The following MIPEP variants were observed in gnomAD, a reference collection of about 807,000 sequenced individuals.
MIPEP encodes the protein mitochondrial intermediate peptidase.
Under a neutral mutation model 90.3 loss-of-function variants are expected in MIPEP, and 79 were observed. The ratio of observed to expected loss-of-function variants is 0.87; its 90% CI spans 0.73 to 1.05. The LOEUF (loss-of-function observed/expected upper bound fraction) is 1.05. MIPEP is among the 50% of genes least tolerant of loss of function. The probability of loss-of-function intolerance (pLI) is 0.00; values close to 1 mark genes in which losing one functional copy is unlikely to be tolerated. For synonymous variants in MIPEP, 334 were observed against 315.8 expected (o/e 1.06, Z -0.61); for missense variants, 940 against 905.6 (o/e 1.04, Z -0.49).
intron 16 of MIPEP, among the ~76,000 whole-genome samples, chr13:23,780,459 A>G (rs1419446590): frequency 6.6e-6 from 1 of 152,216 alleles, no homozygotes; most frequent in Non-Finnish European, 1.5e-5. Flanking sequence ...TCTGTACGTC[A>G]CCATCATCAA....
intron 14 of MIPEP, 41 bp downstream of exon 14, chr13:23,836,199 T>C: frequency 7.5e-7 from 1 of 1,340,708 alleles, no homozygotes. Flanking sequence ...ACGCCAACTA[T>C]CACAACCCAA....
At chr13:23,875,002 G>T in intron 4 of MIPEP, 93 bp from the exon 5 acceptor site, 1 of 897,964 alleles carries the variant, frequency 1.1e-6, no homozygotes, top group Non-Finnish European at 1.7e-6. Flanking sequence ...GTCTTTTTCA[G>T]CCTCACTGCC....
intron 16 of MIPEP, among the ~76,000 whole-genome samples, chr13:23,784,533 C>T (rs1429601339): frequency 6.6e-6 from 1 of 152,086 alleles, no homozygotes; most frequent in African/African-American, 2.4e-5. Flanking sequence ...ACCATAAAAA[C>T]CCAAGAAGAA....
At chr13:23,814,601 T>C (rs1953213512) in intron 14 of MIPEP, among the ~76,000 whole-genome samples, 1 of 152,148 alleles carries the variant, frequency 6.6e-6, no homozygotes, top group African/African-American at 2.4e-5. Flanking sequence ...ACCAGCATAT[T>C]AAGAATGCTA....
chr13:23,738,343 G>A (rs1173489454), intron 18 of MIPEP, among the ~76,000 whole-genome samples: 8 of 151,596 alleles, frequency 5.3e-5, no homozygotes, highest in Non-Finnish European at 1.2e-4. Context: ...ATCAGCTATT[G>A]TTAATGTAGT....
chr13:23,854,326 C>T (rs893742905), intron 10 of MIPEP, among the ~76,000 whole-genome samples: 2 of 150,980 alleles, frequency 1.3e-5, no homozygotes, highest in East Asian at 1.9e-4. Flanking sequence ...CTGAGCCATC[C>T]ATTTCCTATT....
intron 18 of MIPEP, among the ~76,000 whole-genome samples, chr13:23,744,475 G>A (rs1351907088): frequency 6.6e-6 from 1 of 152,212 alleles, no homozygotes; most frequent in African/African-American, 2.4e-5. Context: ...CCACACAGGT[G>A]AGTCAGAGTA....
chr13:23,766,029 T>A (rs1193568275), intron 16 of MIPEP: 1 of 152,238 alleles, frequency 6.6e-6, no homozygotes, highest in Non-Finnish European at 1.5e-5. Context: ...GCCTCTGATA[T>A]GGAATAATCC....
chr13:23,737,586 T>C (rs991299090), intron 18 of MIPEP, among the ~76,000 whole-genome samples: 1 of 152,232 alleles, frequency 6.6e-6, no homozygotes, highest in Non-Finnish European at 1.5e-5. Flanking sequence ...TGCAAGTTCA[T>C]ATCCTGTTAT....
chr13:23,802,160 A>G (rs1310408981), intron 16 of MIPEP, among the ~76,000 whole-genome samples: 1 of 152,198 alleles, frequency 6.6e-6, no homozygotes. Context: ...GTGATAGTAA[A>G]ATATTTTAGG....
chr13:23,869,848 C>A (rs1870706395), intron 6 of MIPEP, among the ~76,000 whole-genome samples, 165 bp downstream of exon 6: 1 of 152,138 alleles, frequency 6.6e-6, no homozygotes, highest in African/African-American at 2.4e-5. Flanking sequence ...CATTTTCATT[C>A]TTTAAAGTGT....
chr13:23,863,585 C>T (rs1041304525), intron 8 of MIPEP, among the ~76,000 whole-genome samples: 3 of 152,136 alleles, frequency 2.0e-5, no homozygotes, highest in Non-Finnish European at 4.4e-5. Flanking sequence ...TATGTATATG[C>T]AAATATTCCA....
At chr13:23,767,245 C>T (rs1016715536) in intron 16 of MIPEP, among the ~76,000 whole-genome samples, 4 of 152,172 alleles carry the variant, frequency 2.6e-5, no homozygotes, top group African/African-American at 7.2e-5. Context: ...ACTCCTGATC[C>T]AAACCAACTG....
chr13:23,879,721 T>C (rs983152939), intron 3 of MIPEP, among the ~76,000 whole-genome samples: 1 of 152,004 alleles, frequency 6.6e-6, no homozygotes, highest in Non-Finnish European at 1.5e-5. Flanking sequence ...AAAAACACTG[T>C]AAGGGAGAGC....
Position 23,864,168 on chromosome 13 carries a change from TC to T in MIPEP, c.964del (p.Glu322LysfsTer12). ...KNPETVMQFL[E>X]KLSDKLSERT... ...TTCAGAAAGTTTGTCAGATAGTTTT[TC>T]AAGGAACTGCATGACAGTCTCTAAA... On this transcript the variant is annotated frameshift_variant, in exon 8 of 19. Transcript: ENST00000382172. LOFTEE classifies it high-confidence loss of function. 1 of 1,565,962 alleles carries T rather than the reference TC, an allele frequency of 6.4e-7. No homozygotes were observed. The highest frequency in any genetic ancestry group is 1.9e-5 in the Admixed American group (1 of 52,758).
At chr13:23,737,782 G>A (rs572188911) in intron 18 of MIPEP, among the ~76,000 whole-genome samples, 19 of 152,282 alleles carry the variant, frequency 1.2e-4, no homozygotes, top group Non-Finnish European at 1.8e-4. Flanking sequence ...TTGCAAAGAC[G>A]AAATCTCATT....
intron 11 of MIPEP, among the ~76,000 whole-genome samples, chr13:23,840,530 C>T (rs923308889): frequency 7.2e-5 from 11 of 152,282 alleles, no homozygotes; most frequent in Admixed American, 2.0e-4. Flanking sequence ...AGCATTTTAT[C>T]AATCTCTATC....
intron 18 of MIPEP, among the ~76,000 whole-genome samples, chr13:23,743,469 C>T (rs776339624): frequency 7.2e-5 from 11 of 152,328 alleles, no homozygotes; most frequent in South Asian, 2.1e-4. Context: ...ATCAGACTAT[C>T]GGCCAGGAAG....
intron 16 of MIPEP, among the ~76,000 whole-genome samples, chr13:23,765,168 T>A (rs761084438): frequency 6.6e-6 from 1 of 152,138 alleles, no homozygotes; most frequent in Non-Finnish European, 1.5e-5. Context: ...GACTTGAACA[T>A]GCTCAGATTT....
Sources: gnomAD v4.1 joint callset for allele counts (sites outside exome capture counted in the v4.1 genomes callset) on GRCh38, gnomAD v4.1.1 for gene constraint, MANE v1.5 for transcripts, NCBI Gene and HGNC (gene_info 2026-07-23, HGNC 2026-07-21) for gene names.